ZNF222: variants seen among roughly 807,000 people sequenced by gnomAD.
The protein encoded by ZNF222 is zinc finger protein 222.
ZNF222 carries 8 observed loss-of-function variants against 11.6 expected under a neutral mutation model. That is an observed-to-expected ratio of 0.69 (90% CI 0.41 to 1.25). The LOEUF (loss-of-function observed/expected upper bound fraction) is 1.25, where lower values mean the gene tolerates loss of function less well. ZNF222 is among the 50% of genes most tolerant of loss of function. The probability of loss-of-function intolerance (pLI) is 0.01; values close to 1 mark genes in which losing one functional copy is unlikely to be tolerated. For synonymous variants in ZNF222, 171 were observed against 195.6 expected (o/e 0.87, Z 1.05); for missense variants, 483 against 576.1 (o/e 0.84, Z 1.65).
chr19:44,031,792 A>G (rs1976504716), intron 3 of ZNF222, 25 bp from the exon 4 acceptor site: 4 of 1,599,478 alleles, frequency 2.5e-6, no homozygotes, highest in East Asian at 2.2e-5. Flanking sequence ...ACTTGTCCAC[A>G]TGTCTTAATT....
At chr19:44,027,303 C>A in intron 2 of ZNF222, 95 bp from the exon 3 acceptor site, 1 of 1,560,262 alleles carries the variant, frequency 6.4e-7, no homozygotes, top group South Asian at 1.1e-5. Flanking sequence ...TGGTTTTTGT[C>A]ATTGGAAGTA....
At chr19:44,029,333 C>T (rs1373307127) in intron 3 of ZNF222, among the ~76,000 whole-genome samples, 2 of 151,714 alleles carry the variant, frequency 1.3e-5, no homozygotes, top group Non-Finnish European at 1.5e-5. Context: ...TTTTCATGAC[C>T]ACATTGAGAA....
chr19:44,031,747 C>G (rs1030277331), intron 3 of ZNF222, 70 bp from the exon 4 acceptor site: 2 of 1,537,190 alleles, frequency 1.3e-6, no homozygotes, highest in African/African-American at 2.8e-5. Flanking sequence ...TCCCAAAGTG[C>G]TGGGATTACA....
At chr19:44,026,556 A>ATTTTTT (rs200711054) in intron 1 of ZNF222, among the ~76,000 whole-genome samples, 1,109 of 101,828 alleles carry the variant, frequency 0.011, 20 homozygotes, top group African/African-American at 0.037. Context: ...ATATATATAT[A>ATTTTTT]TTTTTTTTTT....
chr19:44,032,077 C>A lies in ZNF222; in HGVS notation c.523C>A (p.Pro175Thr), dbSNP rs2147451128. ...CAGTGATGTTTCCTTCTTTGATCTTCCTCAGCAGTTATATTCAGGAGAGAA... is the reference window on the plus strand; with the variant it reads ...CAGTGATGTTTCCTTCTTTGATCTTACTCAGCAGTTATATTCAGGAGAGAA... Reference protein sequence around the residue: ...FFSDVSFFDLPQQLYSGEKSH... With the variant: ...FFSDVSFFDLTQQLYSGEKSH... The change falls in exon 4 of 4, where the codon CCT becomes ACT. Residue 175 changes from proline to threonine, a missense_variant. By Grantham distance (38) the Pro-to-Thr change is conservative. Transcript: ENST00000391960. 6.2e-7 allele frequency: 1 copy of A among 1,614,210 alleles called. No homozygotes were observed. Among genetic ancestry groups the A allele is most frequent in the East Asian group, 2.2e-5 (1 of 44,878 alleles).
At chr19:44,029,746 C>T (rs1410687232) in intron 3 of ZNF222, among the ~76,000 whole-genome samples, 1 of 152,140 alleles carries the variant, frequency 6.6e-6, no homozygotes, top group African/African-American at 2.4e-5. Context: ...TAATATTTTC[C>T]AAGATTCTTT....
In ZNF222 at chr19:44,032,207, G is replaced by A. The variant is rs371540939; in HGVS notation, c.653G>A (p.Cys218Tyr). 2.9e-5 allele frequency: 47 copies of A among 1,614,224 alleles called. No homozygotes were observed. Among genetic ancestry groups the A allele is most frequent in the Admixed American group, 6.7e-5 (4 of 60,032 alleles). Residue 218 changes from cysteine (C) to tyrosine (Y), a missense_variant, in exon 4 of 4, where the codon TGT (cysteine) becomes TAT (tyrosine). Coordinates refer to ENST00000391960, the MANE Select transcript of ZNF222 (RefSeq NM_001129996.2). ...MGVKCYKCDVCGKEFSQSSRL... is the reference protein window; with the variant it reads ...MGVKCYKCDVYGKEFSQSSRL... ...GTGAAATGCTATAAGTGTGATGTGT[G>A]TGGTAAGGAATTTAGTCAGAGCTCA...
rs529778564 is a variant in ZNF222 at position 44,027,235 on chromosome 19, G to A, written c.169+86G>A. On this transcript the variant is annotated intron_variant, in intron 2 of 3. Transcript: ENST00000391960. ...GGGTTTTCAAGTTTGAGTGTGCAGT[G>A]AGAACCTACATTTCCAGTAAATTTT... 6.3e-5 allele frequency: 100 copies of A among 1,593,472 alleles called. 1 individual carries two copies. The South Asian group carries it at 1.1e-3, about 17-fold the overall frequency.
At chr19:44,026,197 A>G in intron 1 of ZNF222, 1 of 1,111,698 alleles carries the variant, frequency 9.0e-7, no homozygotes, top group Non-Finnish European at 1.3e-6. Context: ...CTTAATTGGT[A>G]ACTTTATTCC....
intron 3 of ZNF222, among the ~76,000 whole-genome samples, chr19:44,031,322 A>C (rs1976496371): frequency 6.6e-6 from 1 of 152,244 alleles, no homozygotes; most frequent in Non-Finnish European, 1.5e-5. Flanking sequence ...GGTCTCATGC[A>C]AACCAAAAAC....
In ZNF222 at chr19:44,025,965, T is replaced by C; in HGVS notation, c.42+487T>C. ...TCTTTTTAGGAAAGTGAGGGGAGCA[T>C]TTAACTTTTATGGGGGACGGCAAAA... On this transcript the variant is annotated intron_variant, in intron 1 of 3. Transcript: ENST00000391960. The surrounding 1 kb of genome is among the most constrained non-coding windows in gnomAD (Gnocchi z 4.6). 1 of 1,541,090 alleles carries C rather than the reference T, an allele frequency of 6.5e-7. No homozygotes were observed. The highest frequency in any genetic ancestry group is 8.8e-7 in the Non-Finnish European group (1 of 1,134,946).
intron 3 of ZNF222, among the ~76,000 whole-genome samples, chr19:44,029,191 G>GTTTTTTTTTTTTTTTT (rs1171435860): frequency 4.5e-4 from 28 of 62,040 alleles, no homozygotes; most frequent in East Asian, 1.1e-3. Flanking sequence ...GTTTTGTTTT[G>GTTTTTTTTTTTTTTTT]TTTTTTTTTT....
rs760189158 is a variant in ZNF222, at chr19:44,032,329, C to T, written c.775C>T (p.His259Tyr). Residue 259 changes from histidine (H) to tyrosine (Y), a missense_variant, in exon 4 of 4, where the codon CAT becomes TAT. Coordinates refer to ENST00000391960, the MANE Select transcript of ZNF222 (RefSeq NM_001129996.2). ...GFRCRSALKV[H>Y]CKLHMREKPY... The stretch of plus-strand genomic sequence containing the variant: ...CAGATGTAGATCAGCACTTAAAGTT[C>T]ATTGCAAATTACACATGAGAGAGAA... The T allele has an allele frequency of 6.2e-7, 1 of 1,614,114 alleles. No homozygotes were observed. Among genetic ancestry groups the T allele is most frequent in the South Asian group, 1.1e-5 (1 of 91,078 alleles).
At position 44,033,051 on chromosome 19, in the gene ZNF222, G is replaced by A. The variant is rs377496465; in HGVS notation, c.*21G>A. 2.8e-5 allele frequency: 42 copies of A among 1,473,976 alleles called. No homozygotes were observed. Among genetic ancestry groups the A allele is most frequent in the Non-Finnish European group, 3.8e-5 (42 of 1,112,256 alleles). 91.3% of individuals were successfully genotyped at this position (1,473,976 alleles called of 1,614,324 possible). A position where few individuals can be genotyped will look rare whatever the true frequency, so the allele number is the denominator to read the frequency against. On this transcript the variant is annotated 3_prime_UTR_variant, in exon 4 of 4. Transcript: ENST00000391960. ...TATAAGTTATACATATTTATGGAGTGTGAAATTTGATACATGTATATAATG... is the reference window on the plus strand; with the variant it reads ...TATAAGTTATACATATTTATGGAGTATGAAATTTGATACATGTATATAATG...
chr19:44,029,567 G>T (rs548372730), intron 3 of ZNF222, among the ~76,000 whole-genome samples: 2 of 152,176 alleles, frequency 1.3e-5, no homozygotes, highest in African/African-American at 2.4e-5. Flanking sequence ...ATATAGTGTT[G>T]TATTTTCATC....
rs754972597 is a variant in ZNF222, at chr19:44,032,793, C to T, written c.1239C>T (p.Asn413=). The part of the protein sequence containing the change: ...HTGERSYNCD[N]CGKSFRHASS... Reference sequence around the variant, plus strand: ...GAGAGAGATCTTATAACTGTGATAACTGCGGGAAGAGCTTTAGACATGCTT... The same window carrying T: ...GAGAGAGATCTTATAACTGTGATAATTGCGGGAAGAGCTTTAGACATGCTT... Residue 413 remains asparagine (N), a synonymous_variant, in exon 4 of 4, where the codon AAC becomes AAT. Transcript: ENST00000391960. 9 of 1,613,882 alleles carry T rather than the reference C, an allele frequency of 5.6e-6. No individual in the cohort carries two copies. In the Admixed American group the frequency reaches 1.0e-4, roughly 18 times the overall value.
At chr19:44,027,523 T>G in intron 3 of ZNF222, 33 bp downstream of exon 3, 2 of 1,587,634 alleles carry the variant, frequency 1.3e-6, no homozygotes, top group South Asian at 2.2e-5. Context: ...TCCCTGCATG[T>G]GATTCCTGTT....
chr19:44,025,496 C>CG lies in ZNF222; in HGVS notation c.42+22dup. On this transcript the variant is annotated intron_variant, in intron 1 of 3. Transcript: ENST00000391960. The surrounding 1 kb of genome is among the most constrained non-coding windows in gnomAD (Gnocchi z 4.6). ...GAGCAGAGGTTTGGAGGGGCGCGGG[C>CG]GGGGATTGCCGTTCCAGTCAGCTGA... 1 of 1,541,742 alleles carries CG rather than the reference C, an allele frequency of 6.5e-7. No homozygotes were observed. Among genetic ancestry groups the CG allele is most frequent in the Non-Finnish European group, 8.8e-7 (1 of 1,142,506 alleles).
At chr19:44,030,676 G>A (rs1465703217) in intron 3 of ZNF222, among the ~76,000 whole-genome samples, 1 of 152,184 alleles carries the variant, frequency 6.6e-6, no homozygotes, top group African/African-American at 2.4e-5. Context: ...GGATTAGCAT[G>A]TGACTTAGAC....
Sources: gnomAD v4.1 joint callset for allele counts (sites outside exome capture counted in the v4.1 genomes callset) on GRCh38, gnomAD v4.1.1 for gene constraint, Gnocchi (gnomAD v3.1) non-coding constraint, MANE v1.5 for transcripts, NCBI Gene and HGNC (gene_info 2026-07-23, HGNC 2026-07-21) for gene names.